The following KATNA1 variants were observed in gnomAD, a reference collection of about 807,000 sequenced individuals.
KATNA1 encodes the protein katanin p60 ATPase-containing subunit A1.
KATNA1 carries 42 observed loss-of-function variants against 62.6 expected under a neutral mutation model. The observed-to-expected ratio is 0.67, with a 90% CI of 0.52 to 0.87. The LOEUF is 0.87. Ranked by LOEUF, KATNA1 falls within the 40% of genes least tolerant of loss-of-function variation. The probability of loss-of-function intolerance (pLI) is 0.00; values close to 1 mark genes in which losing one functional copy is unlikely to be tolerated. For missense variants in KATNA1, 498 were observed against 612.5 expected, an observed-to-expected ratio of 0.81 and a Z score of 1.97; for synonymous variants, 186 against 201.9, an observed-to-expected ratio of 0.92 and a Z score of 0.67.
intron 3 of KATNA1, among the ~76,000 whole-genome samples, chr6:149,626,292 C>CCTTTTTTTTT (rs1779604103): frequency 2.3e-5 from 2 of 88,748 alleles, no homozygotes; most frequent in Non-Finnish European, 3.9e-5. Context: ...ATAACATTTA[C>CCTTTTTTTTT]TTTTTTTTTT....
At chr6:149,622,202 G>A (rs141973025) in intron 4 of KATNA1, among the ~76,000 whole-genome samples, 1,945 of 150,996 alleles carry the variant, frequency 0.013, 48 homozygotes, top group African/African-American at 0.045. Context: ...GCGCGGTCTC[G>A]GCTCACTGCA....
intron 9 of KATNA1, 62 bp from the exon 10 acceptor site, chr6:149,597,251 T>C: frequency 1.3e-6 from 2 of 1,526,378 alleles, no homozygotes; most frequent in Non-Finnish European, 8.9e-7. Context: ...TACTATTGTC[T>C]CAAATCTTCT....
intron 4 of KATNA1, among the ~76,000 whole-genome samples, chr6:149,608,522 G>A (rs1453352843): frequency 6.6e-6 from 1 of 152,132 alleles, no homozygotes; most frequent in Non-Finnish European, 1.5e-5. Context: ...AAAGACTTGT[G>A]GCCCCGGCCC....
Position 149,595,080 on chromosome 6 carries a change from T to C in KATNA1, c.1432A>G (p.Ile478Val). 6.2e-7 allele frequency: 1 copy of C among 1,614,160 alleles called. No homozygotes were observed. The highest frequency in any genetic ancestry group is 8.5e-7 in the Non-Finnish European group (1 of 1,180,004). Residue 478 changes from isoleucine to valine, a missense_variant, in exon 11 of 11, where the codon ATT becomes GTT. By Grantham distance (29) the Ile-to-Val change is conservative. Coordinates refer to ENST00000367411, the MANE Select transcript of KATNA1 (RefSeq NM_007044.4). ...KVSKSVSAAD[I>V]ERYEKWIFEF... ...AATATCCATTTCTCGTATCTTTCAA[T>C]GTCTGCAGCAGACACTGACTTAGAA...
chr6:149,615,048 G>A (rs1012575002), intron 4 of KATNA1, among the ~76,000 whole-genome samples: 6 of 146,078 alleles, frequency 4.1e-5, no homozygotes, highest in African/African-American at 1.0e-4. Flanking sequence ...CAAGAGAATC[G>A]CTTGAACCTG....
At position 149,601,595 on chromosome 6, in the gene KATNA1, A is replaced by T; in HGVS notation, c.887T>A (p.Met296Lys). Reference protein sequence around the residue: ...SEKLVRLLFEMARFYSPATIF... With the variant: ...SEKLVRLLFEKARFYSPATIF... ...ATTAGAGCTGTCTCAAACATTCACC[A>T]TTTCAAACAGAAGACGAACAAGCTT... Residue 296 changes from methionine (M) to lysine (K), a missense_variant and splice_region_variant, in exon 7 of 11, where the codon ATG becomes AAG. By Grantham distance (95) the Met-to-Lys change is moderately conservative (BLOSUM62 -1). Transcript: ENST00000367411. The T allele has an allele frequency of 6.2e-7, 1 of 1,602,256 alleles. No homozygotes were observed.
At chr6:149,640,529 T>G (rs1582811964) in intron 1 of KATNA1, among the ~76,000 whole-genome samples, 1 of 148,056 alleles carries the variant, frequency 6.8e-6, no homozygotes, top group Admixed American at 6.7e-5. Flanking sequence ...ATGGTGGGGG[T>G]TTTTTTGGGT....
At chr6:149,643,356 T>C (rs1780361203) in intron 1 of KATNA1, among the ~76,000 whole-genome samples, 1 of 152,174 alleles carries the variant, frequency 6.6e-6, no homozygotes, top group African/African-American at 2.4e-5. Flanking sequence ...CCTGACCCAG[T>C]GAAACAGTGA....
chr6:149,619,092 A>G (rs1452196634), intron 4 of KATNA1, among the ~76,000 whole-genome samples: 1 of 152,204 alleles, frequency 6.6e-6, no homozygotes, highest in Admixed American at 6.6e-5. Context: ...ACAAGGGATT[A>G]ATATCCAGAA....
rs554916406 is a variant in KATNA1, at chr6:149,628,264, ATTTT to A, written c.320+4491_320+4494del. 3.9e-3 allele frequency among the ~76,000 whole-genome samples: 509 copies of A among 129,578 alleles called. 7 individuals carry two copies. The highest frequency in any genetic ancestry group is 0.014 in the African/African-American group (486 of 34,698). The allele number at this position is 129,578 out of a possible 152,430, so 85.0% of individuals were successfully genotyped here. On this transcript the variant is annotated intron_variant, in intron 3 of 10. Transcript: ENST00000367411. Reference sequence around the variant, plus strand: ...AGGTGCCTGTCACCATGCCCGGCTAATTTTTTTTTTTTTTTTTTGTATTTTTAGT... The same window carrying A: ...AGGTGCCTGTCACCATGCCCGGCTAATTTTTTTTTTTTTTGTATTTTTAGT...
intron 4 of KATNA1, among the ~76,000 whole-genome samples, chr6:149,610,811 C>A (rs1378817629): frequency 6.6e-6 from 1 of 151,948 alleles, no homozygotes; most frequent in African/African-American, 2.4e-5. Flanking sequence ...TTTGGGATCA[C>A]ACCACTGCAC....
intron 1 of KATNA1, 113 bp from the exon 2 acceptor site, chr6:149,638,673 AC>A: frequency 1.7e-6 from 1 of 598,124 alleles, no homozygotes; most frequent in South Asian, 2.0e-5. Context: ...CACACATACC[AC>A]ACTTCCCATC....
chr6:149,630,474 C>A (rs1189800944), intron 3 of KATNA1, among the ~76,000 whole-genome samples: 5 of 152,164 alleles, frequency 3.3e-5, no homozygotes, highest in Middle Eastern at 6.8e-3. Context: ...ACTAAAAATA[C>A]AAAAATTAGC....
intron 4 of KATNA1, among the ~76,000 whole-genome samples, chr6:149,618,001 T>A (rs987709446): frequency 3.7e-5 from 5 of 133,434 alleles, no homozygotes; most frequent in African/African-American, 6.2e-5. Flanking sequence ...TATATATATA[T>A]AAAATTAGCT....
intron 10 of KATNA1, among the ~76,000 whole-genome samples, chr6:149,596,626 T>A (rs1582746276): frequency 6.6e-6 from 1 of 151,760 alleles, no homozygotes; most frequent in East Asian, 1.9e-4. Context: ...CAGGCTGGGG[T>A]GCAGTGGCAC....
intron 6 of KATNA1, 38 bp from the exon 7 acceptor site, chr6:149,601,790 TGCC>T: frequency 6.8e-7 from 1 of 1,468,904 alleles, no homozygotes; most frequent in Non-Finnish European, 9.1e-7. Flanking sequence ...AGGATTTATC[TGCC>T]ATTGTTCTAA....
At chr6:149,625,342 A>C (rs1271495163) in intron 3 of KATNA1, among the ~76,000 whole-genome samples, 1 of 152,182 alleles carries the variant, frequency 6.6e-6, no homozygotes, top group African/African-American at 2.4e-5. Context: ...TCTAGTAGTA[A>C]AGACACTTCA....
Position 149,598,228 on chromosome 6 carries a change from C to T in KATNA1, c.1011G>A (p.Met337Ile). ...RRVKAELLVQMDGVGGTSEND... is the reference protein window; with the variant it reads ...RRVKAELLVQIDGVGGTSEND... ...ACTCAAGCTAAACACAGATACCATCCATCTGAACCAGCAGCTCCGCTTTCA... is the reference window on the plus strand; with the variant it reads ...ACTCAAGCTAAACACAGATACCATCTATCTGAACCAGCAGCTCCGCTTTCA... Residue 337 changes from methionine to isoleucine, a missense_variant, in exon 8 of 11, where the codon ATG (methionine) becomes ATA (isoleucine). Around this residue, in one of 3 missense-constraint regions of KATNA1, gnomAD observed 267 missense variants for 372.6 expected, o/e 0.72. Transcript: ENST00000367411. 6.2e-7 allele frequency: 1 copy of T among 1,613,936 alleles called. No individual in the cohort carries two copies.
At chr6:149,640,863 T>C (rs1780254624) in intron 1 of KATNA1, among the ~76,000 whole-genome samples, 1 of 150,018 alleles carries the variant, frequency 6.7e-6, no homozygotes. Context: ...ATTTTTGTTG[T>C]TGTTGTTTTT....
Sources: gnomAD v4.1 joint callset for allele counts (sites outside exome capture counted in the v4.1 genomes callset) on GRCh38, gnomAD v4.1.1 for gene constraint, gnomAD v4.1.1 regional missense constraint, MANE v1.5 for transcripts, NCBI Gene and HGNC (gene_info 2026-07-23, HGNC 2026-07-21) for gene names.